Variants in SLIT3 observed in about 807,000 individuals in gnomAD.
SLIT3 encodes slit homolog 3 protein.
A neutral mutation model predicts 184.0 loss-of-function variants in SLIT3; 68 were observed. The ratio of observed to expected loss-of-function variants is 0.37; its 90% CI spans 0.30 to 0.45. The LOEUF is 0.45. SLIT3 is among the 20% of genes least tolerant of loss of function. SLIT3 has a pLI of 1.00. For missense variants in SLIT3, 1,707 were observed against 2,026.0 expected, an observed-to-expected ratio of 0.84 and a Z score of 3.02; for synonymous variants, 831 against 828.6, an observed-to-expected ratio of 1.00 and a Z score of -0.05.
chr5:168,744,180 G>T (rs1164892729), intron 20 of SLIT3, among the ~76,000 whole-genome samples: 1 of 152,104 alleles, frequency 6.6e-6, no homozygotes, highest in Non-Finnish European at 1.5e-5. Context: ...TCCCAGCTAA[G>T]GGGGAGGCTG....
In SLIT3 at chr5:168,860,963, C is replaced by G. The variant is rs139270943; in HGVS notation, c.486-16308G>C. Among the ~76,000 whole-genome samples the G allele has an allele frequency of 8.5e-3, 1,289 of 152,264 alleles. 18 individuals are homozygous for G. The highest frequency in any genetic ancestry group is 0.03 in the African/African-American group (1,243 of 41,532). The stretch of plus-strand genomic sequence containing the variant: ...GGACCTGTGAGTAACAGTAAATTTT[C>G]TGTAAATGGCATTGACCTCTCTGTA... On this transcript the variant is annotated intron_variant, in intron 5 of 35. Coordinates refer to ENST00000519560, the MANE Select transcript of SLIT3 (RefSeq NM_003062.4).
At chr5:169,259,494 G>A (rs1171559963) in intron 1 of SLIT3, among the ~76,000 whole-genome samples, 5 of 152,214 alleles carry the variant, frequency 3.3e-5, no homozygotes, top group African/African-American at 7.2e-5. Context: ...TGAGATCTGT[G>A]ATAGTTAGGG....
intron 6 of SLIT3, among the ~76,000 whole-genome samples, chr5:168,831,999 C>T (rs1253769300): frequency 6.6e-6 from 1 of 152,176 alleles, no homozygotes; most frequent in Non-Finnish European, 1.5e-5. Context: ...TTTGGGGGTC[C>T]CTTGACTCCG....
At chr5:168,995,776 A>G (rs1755489780) in intron 4 of SLIT3, 1 of 152,278 alleles carries the variant, frequency 6.6e-6, no homozygotes, top group Non-Finnish European at 1.5e-5. Flanking sequence ...CACCTGGCAA[A>G]CCAGCACCAA....
chr5:169,104,122 C>T (rs532979346), intron 4 of SLIT3, among the ~76,000 whole-genome samples: 1 of 152,166 alleles, frequency 6.6e-6, no homozygotes, highest in Non-Finnish European at 1.5e-5. Flanking sequence ...TTCTTCTTAC[C>T]TCTCCTTCTC....
chr5:168,684,161 T>G, intron 31 of SLIT3, 65 bp from the exon 32 acceptor site: 2 of 1,427,420 alleles, frequency 1.4e-6, no homozygotes. Context: ...CCTGCCCATC[T>G]CACAGAGCCC....
intron 4 of SLIT3, among the ~76,000 whole-genome samples, chr5:169,147,114 C>T (rs1185191030): frequency 6.6e-6 from 1 of 152,236 alleles, no homozygotes; most frequent in Non-Finnish European, 1.5e-5. Context: ...GCAGCCCCCA[C>T]AGTGGGTCCA....
chr5:169,055,314 G>A (rs576966156), intron 4 of SLIT3, among the ~76,000 whole-genome samples: 3 of 152,252 alleles, frequency 2.0e-5, no homozygotes, highest in Admixed American at 6.5e-5. Flanking sequence ...TAGGAGTTAC[G>A]CGGTAATAGA....
intron 5 of SLIT3, among the ~76,000 whole-genome samples, chr5:168,852,340 T>C (rs1285414743): frequency 6.6e-6 from 1 of 152,266 alleles, no homozygotes; most frequent in East Asian, 1.9e-4. Context: ...TTTTTTTCTT[T>C]TTATCCCCAT....
rs551942883 is a variant in SLIT3, at chr5:169,051,792, G to A, written c.413+141687C>T. On this transcript the variant is annotated intron_variant, in intron 4 of 35. Coordinates refer to ENST00000519560, the MANE Select transcript of SLIT3 (RefSeq NM_003062.4). ...GTTGTTAGGGCTTATGAGCCAGGTC[G>A]TTCTACAGCACTGGAGAGAGGGGGA... Among the ~76,000 whole-genome samples, 76 of 152,274 alleles carry A rather than the reference G, an allele frequency of 5.0e-4. No homozygotes were observed. In the South Asian group the frequency reaches 0.015, roughly 30 times the overall value.
Position 168,942,129 on chromosome 5 carries a change from G to A in SLIT3, c.414-58793C>T, listed in dbSNP as rs563224555. On this transcript the variant is annotated intron_variant, in intron 4 of 35. Coordinates refer to ENST00000519560, the MANE Select transcript of SLIT3 (RefSeq NM_003062.4). ...CCCCCAGAAGCAGTGACTTGTTCAG[G>A]GATGGGCACATGACCAAGCTGGGCC... 9.7e-4 allele frequency among the ~76,000 whole-genome samples: 148 copies of A among 152,286 alleles called. 3 individuals carry two copies. The South Asian group carries it at 0.029, about 29-fold the overall frequency.
At chr5:169,119,665 GAA>G (rs936459213) in intron 4 of SLIT3, among the ~76,000 whole-genome samples, 1 of 152,168 alleles carries the variant, frequency 6.6e-6, no homozygotes, top group African/African-American at 2.4e-5. Flanking sequence ...CATGCAGGAG[GAA>G]AGAGACAGAA....
At chr5:169,034,972 G>T (rs112836819) in intron 4 of SLIT3, among the ~76,000 whole-genome samples, 3,481 of 150,112 alleles carry the variant, frequency 0.023, 165 homozygotes, top group African/African-American at 0.08. Context: ...GGTAGAGACG[G>T]GGTTTTGTCA....
At chr5:169,157,962 T>TA (rs35904066) in intron 4 of SLIT3, among the ~76,000 whole-genome samples, 34,750 of 143,008 alleles carry the variant, frequency 0.24, 4,376 homozygotes, top group East Asian at 0.41. Context: ...AAAACAGAAT[T>TA]AAAAAAAAAA....
At chr5:168,918,907 T>A (rs1761533615) in intron 4 of SLIT3, among the ~76,000 whole-genome samples, 1 of 152,196 alleles carries the variant, frequency 6.6e-6, no homozygotes, top group Admixed American at 6.5e-5. Context: ...CACTTAGCAA[T>A]ACCTATTTAT....
Position 168,692,773 on chromosome 5 carries a change from A to AG in SLIT3, c.3083-74dup, listed in dbSNP as rs1582536393. The AG allele has an allele frequency of 1.0e-5, 11 of 1,076,686 alleles. No homozygotes were observed. In the East Asian group the frequency reaches 2.2e-4, roughly 21 times the overall value. The allele number at this position is 1,076,686 out of a possible 1,614,324, so 66.7% of individuals were successfully genotyped here. A position where few individuals can be genotyped will look rare whatever the true frequency, so the allele number is the denominator to read the frequency against. ...GCCCTGGCCAGAAGATCAGAGTACT[A>AG]GGGGGGATATCCTGGCCAGAAGATC... On this transcript the variant is annotated intron_variant, in intron 28 of 35. Transcript: ENST00000519560.
At chr5:168,941,880 C>T (rs1314776744) in intron 4 of SLIT3, among the ~76,000 whole-genome samples, 3 of 152,170 alleles carry the variant, frequency 2.0e-5, no homozygotes, top group East Asian at 1.9e-4. Context: ...TGAAAGAGGT[C>T]TACAGACTGT....
intron 4 of SLIT3, among the ~76,000 whole-genome samples, chr5:168,953,647 G>C (rs1762732216): frequency 6.6e-6 from 1 of 152,200 alleles, no homozygotes; most frequent in African/African-American, 2.4e-5. Flanking sequence ...GCACTTTATA[G>C]CCTGTTACCA....
chr5:168,855,207 A>G (rs993247960), intron 5 of SLIT3, among the ~76,000 whole-genome samples: 3 of 152,230 alleles, frequency 2.0e-5, no homozygotes, highest in Non-Finnish European at 4.4e-5. Flanking sequence ...AATTAAAATA[A>G]TGAGAAACAA....
Sources: allele counts gnomAD v4.1 joint callset (sites outside exome capture counted in the v4.1 genomes callset), GRCh38; gene constraint gnomAD v4.1.1; transcripts MANE v1.5; gene names NCBI Gene and HGNC (gene_info 2026-07-23, HGNC 2026-07-21).